CCDC66: variants seen among roughly 807,000 people sequenced by gnomAD.
CCDC66 encodes coiled-coil domain containing 66.
A neutral mutation model predicts 128.3 loss-of-function variants in CCDC66; 133 were observed. The ratio of observed to expected loss-of-function variants is 1.04; its 90% CI spans 0.90 to 1.20. CCDC66 has a LOEUF of 1.20. Ranked by LOEUF, CCDC66 falls within the 50% of genes most tolerant of loss-of-function variation. The pLI, the probability that CCDC66 is intolerant of heterozygous loss-of-function variation, is 0.00. For synonymous variants in CCDC66, 387 were observed against 357.0 expected, an observed-to-expected ratio of 1.08 and a Z score of -0.95; for missense variants, 1,126 against 1,075.5, an observed-to-expected ratio of 1.05 and a Z score of -0.66.
Position 56,563,761 on chromosome 3 carries a change from T to C in CCDC66, c.180T>C (p.Thr60=). 6.4e-7 allele frequency: 1 copy of C among 1,551,854 alleles called. No individual in the cohort carries two copies. The highest frequency in any genetic ancestry group is 8.7e-7 in the Non-Finnish European group (1 of 1,146,990). The change falls in exon 4 of 18, where the codon ACT becomes ACC. Residue 60 remains threonine (T), a synonymous_variant. Coordinates refer to ENST00000394672, the MANE Select transcript of CCDC66 (RefSeq NM_001141947.3). Reference sequence around the variant, plus strand: ...ACATTCTAAAATCAACACAAGATACTTGTATTGGGAGTGAAAAACTTTTGC... The same window carrying C: ...ACATTCTAAAATCAACACAAGATACCTGTATTGGGAGTGAAAAACTTTTGC... The part of the protein sequence containing the change: ...TGHILKSTQD[T]CIGSEKLLQK...
chr3:56,571,132 C>A, intron 6 of CCDC66, 49 bp from the exon 7 acceptor site: 1 of 1,366,040 alleles, frequency 7.3e-7, no homozygotes, highest in Non-Finnish European at 1.0e-6. Context: ...TTACATGGTT[C>A]TGTTTTTACA....
At chr3:56,585,515 GA>G (rs1382736194) in intron 7 of CCDC66, among the ~76,000 whole-genome samples, 1 of 151,592 alleles carries the variant, frequency 6.6e-6, no homozygotes, top group South Asian at 2.1e-4. Flanking sequence ...AAGTTTCATA[GA>G]AAAAACTTTC....
At chr3:56,618,061 G>T in intron 14 of CCDC66, 111 bp from the exon 15 acceptor site, 1 of 870,874 alleles carries the variant, frequency 1.1e-6, no homozygotes, top group Non-Finnish European at 1.9e-6. Context: ...GTCAGTACCT[G>T]TTATTCAAAT....
In CCDC66 at chr3:56,567,046, A is replaced by G; in HGVS notation, c.807A>G (p.Lys269=). ...AAGCAAAAAAAGCCCAGTGGAGGAAAGAGCTAGGTAGGTAACTTTTATACC... is the reference window on the plus strand; with the variant it reads ...AAGCAAAAAAAGCCCAGTGGAGGAAGGAGCTAGGTAGGTAACTTTTATACC... ...SLEAKKAQWR[K]ELDEQVALKK... Residue 269 remains lysine (K), a synonymous_variant, in exon 6 of 18, where the codon AAA becomes AAG. Coordinates refer to ENST00000394672, the MANE Select transcript of CCDC66 (RefSeq NM_001141947.3). 6.2e-7 allele frequency: 1 copy of G among 1,611,086 alleles called. No homozygotes were observed.
At chr3:56,603,773 G>A (rs1451367582) in intron 10 of CCDC66, among the ~76,000 whole-genome samples, 1 of 151,996 alleles carries the variant, frequency 6.6e-6, no homozygotes, top group Non-Finnish European at 1.5e-5. Flanking sequence ...TTGATTTGGG[G>A]TGGAGAGTTC....
chr3:56,599,429 T>C (rs1019497301), intron 10 of CCDC66, among the ~76,000 whole-genome samples: 18 of 152,072 alleles, frequency 1.2e-4, no homozygotes, highest in Admixed American at 7.9e-4. Flanking sequence ...GTTTGTTATT[T>C]CTTTCCACTA....
At chr3:56,565,631 T>C (rs2065725432) in intron 4 of CCDC66, among the ~76,000 whole-genome samples, 1 of 151,014 alleles carries the variant, frequency 6.6e-6, no homozygotes, top group Non-Finnish European at 1.5e-5. Flanking sequence ...TATTATTATT[T>C]TTTTAGATGG....
Position 56,600,569 on chromosome 3 carries a change from A to G in CCDC66, c.1404+6541A>G, listed in dbSNP as rs1485890880. ...AGGAATTGCCACACTGTCTTCCACAATGGTTGAACTAATTTACGCTCCCAC... is the reference window on the plus strand; with the variant it reads ...AGGAATTGCCACACTGTCTTCCACAGTGGTTGAACTAATTTACGCTCCCAC... On this transcript the variant is annotated intron_variant, in intron 10 of 17. Transcript: ENST00000394672. Among the ~76,000 whole-genome samples the G allele has an allele frequency of 2.0e-5, 3 of 152,096 alleles. No homozygotes were observed. The South Asian group carries it at 6.2e-4, about 32-fold the overall frequency.
chr3:56,597,649 CCTT>C (rs939878268), intron 10 of CCDC66, among the ~76,000 whole-genome samples: 28 of 151,618 alleles, frequency 1.8e-4, no homozygotes, highest in Admixed American at 7.9e-4. Flanking sequence ...GGTGGGATTG[CCTT>C]CTTTATTTCT....
At chr3:56,603,335 ATTTG>A (rs2073543288) in intron 10 of CCDC66, among the ~76,000 whole-genome samples, 1 of 151,706 alleles carries the variant, frequency 6.6e-6, no homozygotes, top group African/African-American at 2.4e-5. Flanking sequence ...TAGCTTTTGA[ATTTG>A]TTTGCTCTTG....
intron 7 of CCDC66, among the ~76,000 whole-genome samples, chr3:56,577,576 G>A (rs184656566): frequency 6.6e-6 from 1 of 151,862 alleles, no homozygotes; most frequent in Non-Finnish European, 1.5e-5. Context: ...ATTTCATCTT[G>A]AGTTAATTTT....
chr3:56,579,827 A>G (rs2068023643), intron 7 of CCDC66, among the ~76,000 whole-genome samples: 1 of 151,902 alleles, frequency 6.6e-6, no homozygotes, highest in African/African-American at 2.4e-5. Context: ...CTTTACTTCC[A>G]GCTTCGTGGT....
Position 56,557,270 on chromosome 3 carries a change from T to A in CCDC66, c.11+17T>A, listed in dbSNP as rs73079892. 66 of 156,510 alleles carry A rather than the reference T, an allele frequency of 4.2e-4. No individual in the cohort carries two copies. The highest frequency in any genetic ancestry group is 6.1e-4 in the African/African-American group (10 of 16,528). 9.7% of individuals were successfully genotyped at this position (156,510 alleles called of 1,614,324 possible). On this transcript the variant is annotated intron_variant, in intron 1 of 17. Transcript: ENST00000394672. ...GAACTTGGGGTAAGCAGGGGTAAGC[T>A]GGGGTAAGCTGGGGTAAGCAAGGTG...
At chr3:56,581,973 TTTC>T (rs2068462638) in intron 7 of CCDC66, among the ~76,000 whole-genome samples, 1 of 151,900 alleles carries the variant, frequency 6.6e-6, no homozygotes. Context: ...TCTGCAGAAG[TTTC>T]TGCTGCCTTT....
At chr3:56,558,206 A>G (rs13099722) in intron 1 of CCDC66, among the ~76,000 whole-genome samples, 3,329 of 152,124 alleles carry the variant, frequency 0.022, 69 homozygotes, top group Non-Finnish European at 0.037. Context: ...CTCTCTCTGA[A>G]TTATGGACTG....
intron 6 of CCDC66, chr3:56,569,364 G>T: frequency 3.0e-6 from 1 of 338,588 alleles, no homozygotes; most frequent in Admixed American, 2.9e-5. Context: ...TTCTGGTGAG[G>T]CCTCAGGAAG....
Position 56,617,224 on chromosome 3 carries a change from G to A in CCDC66, c.1956G>A (p.Gln652=). ...AGATTTCGGCAGAACTTATTGGACA[G>A]TTTAGCACCAAGAAAAACAAGCAAG... ...SPEISAELIG[Q]FSTKKNKQEL... Residue 652 remains glutamine, a synonymous_variant, in exon 14 of 18, where the codon CAG becomes CAA. Transcript: ENST00000394672. 6.2e-7 allele frequency: 1 copy of A among 1,613,860 alleles called. No individual in the cohort carries two copies. The highest frequency in any genetic ancestry group is 8.5e-7 in the Non-Finnish European group (1 of 1,179,954).
chr3:56,570,202 T>A (rs1054182162), intron 6 of CCDC66: 4 of 152,168 alleles, frequency 2.6e-5, no homozygotes, highest in African/African-American at 9.7e-5. Flanking sequence ...AGTGCCTCTA[T>A]TTAAGTCATG....
intron 4 of CCDC66, 54 bp from the exon 5 acceptor site, chr3:56,566,540 A>T: frequency 8.5e-7 from 1 of 1,177,762 alleles, no homozygotes; most frequent in Non-Finnish European, 1.2e-6. Flanking sequence ...TATGCCAAGT[A>T]TTATAACAGA....
Sources: gnomAD v4.1 joint callset for allele counts (sites outside exome capture counted in the v4.1 genomes callset) on GRCh38, gnomAD v4.1.1 for gene constraint, MANE v1.5 for transcripts, NCBI Gene and HGNC (gene_info 2026-07-23, HGNC 2026-07-21) for gene names.